The following NQO2 variants were observed in gnomAD, a reference collection of about 807,000 sequenced individuals.
NQO2 encodes ribosyldihydronicotinamide dehydrogenase [quinone].
In NQO2, 18 loss-of-function variants were observed where a neutral mutation model predicts 22.0. The observed-to-expected ratio is 0.82, with a 90% CI of 0.56 to 1.21. The LOEUF (loss-of-function observed/expected upper bound fraction) is 1.21. Ranked by LOEUF, NQO2 falls within the 50% of genes most tolerant of loss-of-function variation. The probability of loss-of-function intolerance (pLI) is 0.00; values close to 1 mark genes in which losing one functional copy is unlikely to be tolerated. For synonymous variants in NQO2, 106 were observed against 110.8 expected (o/e 0.96, Z 0.28); for missense variants, 267 against 286.9 (o/e 0.93, Z 0.50).
intron 3 of NQO2, among the ~76,000 whole-genome samples, chr6:3,010,425 T>C (rs1225755019): frequency 1.3e-5 from 2 of 151,730 alleles, no homozygotes; most frequent in South Asian, 2.1e-4. Context: ...GGTAAGAGAT[T>C]GGACTATCAT....
In NQO2 at chr6:3,019,571, G is replaced by A; in HGVS notation, c.612G>A (p.Met204Ile). The A allele has an allele frequency of 6.2e-7, 1 of 1,614,218 alleles. No homozygotes were observed. Among genetic ancestry groups the A allele is most frequent in the South Asian group, 1.1e-5 (1 of 91,088 alleles). Reference protein sequence around the residue: ...EIASEEERKGMVAAWSQRLQT... With the variant: ...EIASEEERKGIVAAWSQRLQT... ...CATCCGAAGAAGAAAGAAAGGGGAT[G>A]GTGGCTGCGTGGTCCCAGAGGCTGC... The change falls in exon 7 of 7, where the codon ATG becomes ATA. Residue 204 changes from methionine (M) to isoleucine (I), a missense_variant. Coordinates refer to ENST00000380455, the MANE Select transcript of NQO2 (RefSeq NM_000904.6).
At position 3,006,364 on chromosome 6, in the gene NQO2, T is replaced by G; in HGVS notation, c.-85-104T>G. The G allele has an allele frequency of 7.1e-7, 1 of 1,411,482 alleles. No homozygotes were observed. The highest frequency in any genetic ancestry group is 9.2e-7 in the Non-Finnish European group (1 of 1,081,822). 87.4% of individuals were successfully genotyped at this position (1,411,482 alleles called of 1,614,324 possible). On this transcript the variant is annotated intron_variant, in intron 1 of 6. Coordinates refer to ENST00000380455, the MANE Select transcript of NQO2 (RefSeq NM_000904.6). This position sits in a 1 kb window ranked among gnomAD's most constrained non-coding sequence, Gnocchi z 4.0. ...CCTCTCTTGAGAGGTCTTTCTCTGATGTGTTTGCGTGTCTGTCAGGAAGCA... is the reference window on the plus strand; with the variant it reads ...CCTCTCTTGAGAGGTCTTTCTCTGAGGTGTTTGCGTGTCTGTCAGGAAGCA...
chr6:3,005,792 T>C, intron 1 of NQO2: 3 of 985,338 alleles, frequency 3.0e-6, no homozygotes, highest in Non-Finnish European at 3.6e-6. Flanking sequence ...CAACTGTCTC[T>C]CTCTCACTCT....
Position 3,006,496 on chromosome 6 carries a change from G to T in NQO2, c.-57G>T, listed in dbSNP as rs758497559. The T allele has an allele frequency of 1.9e-6, 3 of 1,612,194 alleles. No homozygotes were observed. Among genetic ancestry groups the T allele is most frequent in the South Asian group, 1.1e-5 (1 of 90,690 alleles). ...GCTGGACTCGCTGAAGAGAGACTAC[G>T]CAGGAAAGCCCCAGCCACCCATCAA... On this transcript the variant is annotated 5_prime_UTR_variant, in exon 2 of 7. Transcript: ENST00000380455. The surrounding 1 kb of genome is among the most constrained non-coding windows in gnomAD (Gnocchi z 4.0).
rs1333152436 is a variant in NQO2, at chr6:3,012,630, G to A, written c.259G>A (p.Asp87Asn). The A allele has an allele frequency of 6.2e-7, 1 of 1,613,934 alleles. No homozygotes were observed. The highest frequency in any genetic ancestry group is 8.5e-7 in the Non-Finnish European group (1 of 1,179,980). ...AAGGTCTCTGGCTAGCGACATCACT[G>A]ATGAGCAGAAAAAGGTTCGGGAGGC... Reference protein sequence around the residue: ...KQRSLASDITDEQKKVREADL... With the variant: ...KQRSLASDITNEQKKVREADL... Residue 87 changes from aspartate (D) to asparagine (N), a missense_variant, in exon 4 of 7, where the codon GAT (aspartate) becomes AAT (asparagine). Coordinates refer to ENST00000380455, the MANE Select transcript of NQO2 (RefSeq NM_000904.6).
intron 2 of NQO2, among the ~76,000 whole-genome samples, chr6:3,008,466 C>T: frequency 6.6e-6 from 1 of 151,170 alleles, no homozygotes; most frequent in East Asian, 2.0e-4. Flanking sequence ...TTTGGTGTTT[C>T]TGGCCAAGTG....
At chr6:3,005,736 C>T in intron 1 of NQO2, 1 of 985,380 alleles carries the variant, frequency 1.0e-6, no homozygotes, top group Non-Finnish European at 1.2e-6. Flanking sequence ...CTGGGGAGAA[C>T]TCACGTTTTT....
chr6:3,000,484 G>A (rs1188569224), intron 1 of NQO2: 1 of 151,462 alleles, frequency 6.6e-6, no homozygotes, highest in Non-Finnish European at 1.5e-5. Context: ...TGGCACTGTG[G>A]AAAAAATGAA....
At chr6:3,003,445 G>A (rs1756814172) in intron 1 of NQO2, 1 of 747,526 alleles carries the variant, frequency 1.3e-6, no homozygotes, top group South Asian at 5.5e-5. Context: ...TCGCTGCTGA[G>A]AATTCTAGGA....
At chr6:3,005,576 G>A (rs758482455) in intron 1 of NQO2, 1 of 885,730 alleles carries the variant, frequency 1.1e-6, no homozygotes, top group Non-Finnish European at 1.4e-6. Context: ...GCCCATTTTT[G>A]CATTGAGTTG....
At chr6:3,012,924 A>G (rs1757188862) in intron 4 of NQO2, among the ~76,000 whole-genome samples, 1 of 137,532 alleles carries the variant, frequency 7.3e-6, no homozygotes, top group Admixed American at 7.4e-5. Context: ...TACTTTAAAC[A>G]CTGTACGTAG....
Position 3,012,608 on chromosome 6 carries a change from G to A in NQO2, c.237G>A (p.Arg79=), listed in dbSNP as rs1316035519. The A allele has an allele frequency of 1.2e-6, 2 of 1,614,174 alleles. No individual in the cohort carries two copies. Among genetic ancestry groups the A allele is most frequent in the Admixed American group, 1.7e-5 (1 of 60,024 alleles). The change falls in exon 4 of 7, where the codon AGG becomes AGA. Residue 79 remains arginine, a synonymous_variant. Transcript: ENST00000380455. Reference sequence around the variant, plus strand: ...AAACCCACGAAGCCTACAAGCAAAGGTCTCTGGCTAGCGACATCACTGATG... The same window carrying A: ...AAACCCACGAAGCCTACAAGCAAAGATCTCTGGCTAGCGACATCACTGATG... The part of the protein sequence containing the change: ...GVETHEAYKQ[R]SLASDITDEQ...
At position 3,006,240 on chromosome 6, in the gene NQO2, A is replaced by G; in HGVS notation, c.-85-228A>G. On this transcript the variant is annotated intron_variant, in intron 1 of 6. Transcript: ENST00000380455. The surrounding 1 kb of genome is among the most constrained non-coding windows in gnomAD (Gnocchi z 4.0). ...GGTCCTTTGCTGTATGACTGTCTGG[A>G]TGGAAGGTTCAGAGTCCTCTCAAAA... 3 of 728,942 alleles carry G rather than the reference A, an allele frequency of 4.1e-6. No homozygotes were observed. Among genetic ancestry groups the G allele is most frequent in the South Asian group, 1.2e-4 (2 of 16,054 alleles). The allele number at this position is 728,942 out of a possible 1,614,324, so 45.2% of individuals were successfully genotyped here.
In NQO2 at chr6:3,008,667, C is replaced by G. The variant is rs149488470; in HGVS notation, c.8-1358C>G. On this transcript the variant is annotated intron_variant, in intron 2 of 6. Coordinates refer to ENST00000380455, the MANE Select transcript of NQO2 (RefSeq NM_000904.6). ...AGCCAGATATTGGGCGAAATTCACCCCCAATATTTCACGTAGGTTCTTTTC... is the reference window on the plus strand; with the variant it reads ...AGCCAGATATTGGGCGAAATTCACCGCCAATATTTCACGTAGGTTCTTTTC... Among the ~76,000 whole-genome samples, 912 of 152,278 alleles carry G rather than the reference C, an allele frequency of 6.0e-3. 8 individuals are homozygous for G. Among genetic ancestry groups the G allele is most frequent in the African/African-American group, 0.021 (874 of 41,546 alleles).
rs542383520 is a variant in NQO2, at chr6:3,002,791, T to C, written c.-86+2706T>C. On this transcript the variant is annotated intron_variant, in intron 1 of 6. Coordinates refer to ENST00000380455, the MANE Select transcript of NQO2 (RefSeq NM_000904.6). Reference sequence around the variant, plus strand: ...AGTTCAGCCAAACAGGCTTTCTTTTTTTTCTTTTACTTTCTCTTTTTTCTT... The same window carrying C: ...AGTTCAGCCAAACAGGCTTTCTTTTCTTTCTTTTACTTTCTCTTTTTTCTT... Among the ~76,000 whole-genome samples the C allele has an allele frequency of 8.5e-5, 13 of 152,176 alleles. No individual in the cohort carries two copies. In the East Asian group the frequency reaches 2.5e-3, roughly 29 times the overall value.
Position 3,010,173 on chromosome 6 carries a change from A to T in NQO2, c.156A>T (p.Thr52=), listed in dbSNP as rs140937788. ...CCATGAACCTTGAGCCGAGGGCCAC[A>T]GACAAAGATATCACTGGTGAGTCAT... ...LYAMNLEPRA[T]DKDITGTLSN... Residue 52 remains threonine, a synonymous_variant, in exon 3 of 7, where the codon ACA becomes ACT. Transcript: ENST00000380455. 6.2e-7 allele frequency: 1 copy of T among 1,611,364 alleles called. No homozygotes were observed. Among genetic ancestry groups the T allele is most frequent in the Admixed American group, 1.7e-5 (1 of 59,388 alleles).
rs1439320446 is a variant in NQO2, at chr6:3,016,968, T to G, written c.502T>G (p.Phe168Val). ...AGGAGTCAATGGAGATTCTCGATAC[T>G]TCCTGTGGCCACTCCAGGTAGACCA... is the stretch of plus-strand genomic sequence containing the variant. ...KTGVNGDSRY[F>V]LWPLQHGTLH... Residue 168 changes from phenylalanine (F) to valine (V), a missense_variant, in exon 6 of 7, where the codon TTC becomes GTC. By Grantham distance (50) the Phe-to-Val change is conservative. Coordinates refer to ENST00000380455, the MANE Select transcript of NQO2 (RefSeq NM_000904.6). 2 of 1,613,972 alleles carry G rather than the reference T, an allele frequency of 1.2e-6. No homozygotes were observed.
Position 3,006,250 on chromosome 6 carries a change from C to G in NQO2, c.-85-218C>G. On this transcript the variant is annotated intron_variant, in intron 1 of 6. Coordinates refer to ENST00000380455, the MANE Select transcript of NQO2 (RefSeq NM_000904.6). This position sits in a 1 kb window ranked among gnomAD's most constrained non-coding sequence, Gnocchi z 4.0. ...TGTATGACTGTCTGGATGGAAGGTTCAGAGTCCTCTCAAAAAAGGAAAAAA... is the reference window on the plus strand; with the variant it reads ...TGTATGACTGTCTGGATGGAAGGTTGAGAGTCCTCTCAAAAAAGGAAAAAA... 2 of 815,560 alleles carry G rather than the reference C, an allele frequency of 2.5e-6. No homozygotes were observed. The highest frequency in any genetic ancestry group is 1.9e-5 in the African/African-American group (1 of 53,818). The allele number at this position is 815,560 out of a possible 1,614,324, so 50.5% of individuals were successfully genotyped here.
chr6:3,015,476 G>A (rs1757290954), intron 4 of NQO2, 54 bp from the exon 5 acceptor site: 1 of 1,591,222 alleles, frequency 6.3e-7, no homozygotes, highest in East Asian at 2.2e-5. Flanking sequence ...AACTAAACTA[G>A]GAAACCTGAG....
Sources: gnomAD v4.1 joint callset for allele counts (sites outside exome capture counted in the v4.1 genomes callset) on GRCh38, gnomAD v4.1.1 for gene constraint, Gnocchi (gnomAD v3.1) non-coding constraint, MANE v1.5 for transcripts, NCBI Gene and HGNC (gene_info 2026-07-23, HGNC 2026-07-21) for gene names.